LYPLAL1: variants seen among roughly 807,000 people sequenced by gnomAD.
LYPLAL1 encodes the protein lysophospholipase-like protein 1.
Under a neutral mutation model 19.7 loss-of-function variants are expected in LYPLAL1, and 23 were observed. The ratio of observed to expected loss-of-function variants is 1.17; its 90% CI spans 0.84 to 1.65. The LOEUF (loss-of-function observed/expected upper bound fraction) is 1.65. LYPLAL1 is among the 40% of genes most tolerant of loss of function. The pLI, the probability that LYPLAL1 is intolerant of heterozygous loss-of-function variation, is 0.00. For missense variants in LYPLAL1, 355 were observed against 279.4 expected, an observed-to-expected ratio of 1.27 and a Z score of -1.93; for synonymous variants, 119 against 96.3, an observed-to-expected ratio of 1.24 and a Z score of -1.38.
the LYPLAL1 span, among the ~76,000 whole-genome samples, chr1:219,397,448 T>C: frequency 6.6e-6 from 1 of 152,194 alleles, no homozygotes; most frequent in Non-Finnish European, 1.5e-5. Flanking sequence ...GGAGGAATTC[T>C]TTCTCCTCAG....
chr1:219,333,116 C>G, the LYPLAL1 span, among the ~76,000 whole-genome samples: 9 of 152,180 alleles, frequency 5.9e-5, no homozygotes, highest in African/African-American at 2.2e-4. Flanking sequence ...CATTTTCTCA[C>G]CCTGCCAAGG....
chr1:219,282,631 G>C, the LYPLAL1 span, among the ~76,000 whole-genome samples: 2 of 151,994 alleles, frequency 1.3e-5, no homozygotes, highest in South Asian at 2.1e-4. Flanking sequence ...CAATGGTCTT[G>C]AATTTCTTAA....
At chr1:219,240,289 A>C in the LYPLAL1 span, among the ~76,000 whole-genome samples, 3 of 152,224 alleles carry the variant, frequency 2.0e-5, no homozygotes, top group African/African-American at 7.2e-5. Context: ...TTGAAAATAC[A>C]TACTTTTAAA....
At chr1:219,411,078 C>A in the LYPLAL1 span, among the ~76,000 whole-genome samples, 50 of 152,228 alleles carry the variant, frequency 3.3e-4, no homozygotes, top group Admixed American at 1.7e-3. Flanking sequence ...CCTGCAGCCC[C>A]GGTGCCGGAT....
At chr1:219,298,514 C>A in the LYPLAL1 span, among the ~76,000 whole-genome samples, 3 of 152,122 alleles carry the variant, frequency 2.0e-5, no homozygotes, top group Admixed American at 2.0e-4. Context: ...CCTCTTAGGG[C>A]AGTTACTGAA....
At chr1:219,411,321 T>A in the LYPLAL1 span, among the ~76,000 whole-genome samples, 1 of 151,978 alleles carries the variant, frequency 6.6e-6, no homozygotes, top group Non-Finnish European at 1.5e-5. Flanking sequence ...GCTCAAGGTT[T>A]GTAAATACAC....
the LYPLAL1 span, among the ~76,000 whole-genome samples, chr1:219,389,546 CTT>C: frequency 2.0e-5 from 3 of 152,126 alleles, no homozygotes; most frequent in Non-Finnish European, 2.9e-5. Flanking sequence ...AAATTTTACT[CTT>C]GTCTTCAGAG....
the LYPLAL1 span, among the ~76,000 whole-genome samples, chr1:219,229,254 A>G: frequency 6.7e-6 from 1 of 150,174 alleles, no homozygotes; most frequent in Admixed American, 6.6e-5. Flanking sequence ...GTCCCTGACT[A>G]GGGCTGAACT....
the LYPLAL1 span, among the ~76,000 whole-genome samples, chr1:219,320,609 G>C: frequency 6.6e-6 from 1 of 151,826 alleles, no homozygotes; most frequent in African/African-American, 2.4e-5. Context: ...TCCCACGACA[G>C]GTCCTGGTGT....
At chr1:219,189,846 G>A (rs1657004639) in intron 2 of LYPLAL1, among the ~76,000 whole-genome samples, 2 of 151,552 alleles carry the variant, frequency 1.3e-5, no homozygotes, top group South Asian at 2.1e-4. Flanking sequence ...ATAGTTTCAA[G>A]TTTACTAAAT....
chr1:219,227,008 T>A, the LYPLAL1 span, among the ~76,000 whole-genome samples: 1 of 152,224 alleles, frequency 6.6e-6, no homozygotes, highest in Non-Finnish European at 1.5e-5. Flanking sequence ...TAATTTCAAC[T>A]CTTCTGTCTT....
chr1:219,210,877 A>G (rs530771996), intron 4 of LYPLAL1, among the ~76,000 whole-genome samples: 1 of 152,238 alleles, frequency 6.6e-6, no homozygotes, highest in African/African-American at 2.4e-5. Flanking sequence ...CAAAATGTCA[A>G]GGAGGAAAGG....
intron 2 of LYPLAL1, among the ~76,000 whole-genome samples, chr1:219,189,592 T>C (rs1292609855): frequency 6.6e-6 from 1 of 151,626 alleles, no homozygotes; most frequent in African/African-American, 2.4e-5. Flanking sequence ...ACACAGCTTC[T>C]GGGGTCAGAA....
chr1:219,207,663 C>T (rs908415966), intron 3 of LYPLAL1, among the ~76,000 whole-genome samples: 2 of 151,904 alleles, frequency 1.3e-5, no homozygotes, highest in Non-Finnish European at 2.9e-5. Flanking sequence ...AATCCCAGCT[C>T]CCATCATTAA....
At chr1:219,299,860 G>A in the LYPLAL1 span, among the ~76,000 whole-genome samples, 1 of 151,966 alleles carries the variant, frequency 6.6e-6, no homozygotes, top group Non-Finnish European at 1.5e-5. Context: ...GATTTTTTTG[G>A]TTGTACATAT....
the LYPLAL1 span, among the ~76,000 whole-genome samples, chr1:219,343,204 C>G: frequency 6.6e-6 from 1 of 152,102 alleles, no homozygotes. Context: ...TTATTAGAAA[C>G]AAAATTCATG....
At chr1:219,349,938 A>C in the LYPLAL1 span, among the ~76,000 whole-genome samples, 2 of 152,228 alleles carry the variant, frequency 1.3e-5, no homozygotes, top group African/African-American at 4.8e-5. Context: ...CACTCTTTTT[A>C]CCTAGCAATT....
At chr1:219,215,175 G>C (rs1455302855), downstream of LYPLAL1, among the ~76,000 whole-genome samples, 1 of 151,988 alleles carries the variant, frequency 6.6e-6, no homozygotes, top group Non-Finnish European at 1.5e-5. Context: ...ATAAATTTCA[G>C]CTTTTGTGTC....
chr1:219,432,322 T>C, the LYPLAL1 span, among the ~76,000 whole-genome samples: 1 of 152,222 alleles, frequency 6.6e-6, no homozygotes, highest in African/African-American at 2.4e-5. Flanking sequence ...ACATCACTTT[T>C]CACTGAGTTC....
Sources: gnomAD v4.1 joint callset for allele counts (sites outside exome capture counted in the v4.1 genomes callset) on GRCh38, gnomAD v4.1.1 for gene constraint, MANE v1.5 for transcripts, NCBI Gene and HGNC (gene_info 2026-07-23, HGNC 2026-07-21) for gene names.